The following KLHL13 variants were observed in gnomAD, a reference collection of about 807,000 sequenced individuals.
KLHL13 encodes kelch-like protein 13.
Under a neutral mutation model 37.1 loss-of-function variants are expected in KLHL13, and 10 were observed. The ratio of observed to expected loss-of-function variants is 0.27; its 90% CI spans 0.17 to 0.46. KLHL13 has a LOEUF of 0.46. Among genes scored for constraint, KLHL13 ranks in the 20% least tolerant of loss-of-function variants. KLHL13 has a pLI of 1.00. For missense variants in KLHL13, 360 were observed against 509.3 expected (o/e 0.71, Z 2.82); for synonymous variants, 163 against 181.2 (o/e 0.90, Z 0.81).
At chrX:118,087,948 A>AT (rs1414282179) in intron 1 of KLHL13, among the ~76,000 whole-genome samples, 1 of 112,125 alleles carries the variant, frequency 8.9e-6, no homozygotes, top group Non-Finnish European at 1.9e-5. Flanking sequence ...CAGAGGGCTG[A>AT]TATATAGAGA....
At chrX:117,926,950 G>A (rs755410479) in intron 2 of KLHL13, among the ~76,000 whole-genome samples, 12 of 84,886 alleles carry the variant, frequency 1.4e-4, no homozygotes, top group Non-Finnish European at 2.2e-4. Context: ...CTGTCGCCCA[G>A]GCTGGAGTGC....
intron 4 of KLHL13, among the ~76,000 whole-genome samples, chrX:117,914,669 A>T (rs1050961250): frequency 9.0e-6 from 1 of 111,382 alleles, no homozygotes; most frequent in Non-Finnish European, 1.9e-5. Flanking sequence ...AATAATAAAC[A>T]CCTCTCTCTC....
intron 1 of KLHL13, chrX:117,947,097 C>A (rs777318184): frequency 9.0e-6 from 1 of 111,710 alleles, no homozygotes; most frequent in African/African-American, 3.2e-5. Context: ...TCAGAGATAG[C>A]TTTAAAGAGA....
At chrX:118,033,874 C>T (rs1174752190) in intron 1 of KLHL13, among the ~76,000 whole-genome samples, 2 of 103,392 alleles carry the variant, frequency 1.9e-5, no homozygotes, top group Non-Finnish European at 2.0e-5. Flanking sequence ...CACATAGGCT[C>T]AAAATAAAAG....
intron 1 of KLHL13, among the ~76,000 whole-genome samples, chrX:118,104,311 T>C (rs1196201128): frequency 1.8e-5 from 2 of 111,382 alleles, no homozygotes; most frequent in East Asian, 5.6e-4. Context: ...ACCTCAATCA[T>C]CTGTCCACTA....
intron 1 of KLHL13, among the ~76,000 whole-genome samples, chrX:118,022,344 C>T (rs763161171): frequency 8.9e-6 from 1 of 111,807 alleles, no homozygotes; most frequent in Non-Finnish European, 1.9e-5. Context: ...ATTACTCTTG[C>T]ATATATACCC....
At chrX:117,989,220 C>T (rs1324099234) in intron 1 of KLHL13, among the ~76,000 whole-genome samples, 1 of 110,955 alleles carries the variant, frequency 9.0e-6, no homozygotes, top group Non-Finnish European at 1.9e-5. Context: ...TTATTTTTAA[C>T]AGTTTCATTT....
chrX:118,067,595 T>A (rs1257344194), intron 1 of KLHL13, among the ~76,000 whole-genome samples: 1 of 111,934 alleles, frequency 8.9e-6, no homozygotes, highest in African/African-American at 3.2e-5. Flanking sequence ...TTTCTTTATA[T>A]CCTTATTCTA....
At chrX:117,966,232 G>T (rs1330887662) in intron 1 of KLHL13, among the ~76,000 whole-genome samples, 1 of 111,790 alleles carries the variant, frequency 8.9e-6, no homozygotes, top group African/African-American at 3.3e-5. Context: ...CAAAATCAAT[G>T]TGCAAAAATC....
chrX:117,981,599 C>T (rs2053662638), intron 1 of KLHL13, among the ~76,000 whole-genome samples: 1 of 110,090 alleles, frequency 9.1e-6, no homozygotes, highest in East Asian at 2.8e-4. Context: ...TCCTTATTTC[C>T]TTATTCAGCT....
chrX:117,953,529 T>G lies in KLHL13; in HGVS notation c.99-7954A>C, dbSNP rs776302590. 2.7e-5 allele frequency among the ~76,000 whole-genome samples: 3 copies of G among 110,436 alleles called. No homozygotes were observed. In the South Asian group the frequency reaches 1.2e-3, roughly 43 times the overall value. ...GTAACTAACCTGCACATTGTGCACA[T>G]GTACCCTAAAACTTAAAGTATAATA... is the stretch of plus-strand genomic sequence containing the variant. On this transcript the variant is annotated intron_variant, in intron 1 of 6. Coordinates refer to ENST00000262820, the Ensembl canonical transcript of KLHL13.
chrX:117,907,353 G>C (rs1268654684), intron 5 of KLHL13, among the ~76,000 whole-genome samples: 4 of 111,411 alleles, frequency 3.6e-5, no homozygotes, highest in African/African-American at 1.3e-4. Context: ...TTAGTATTAG[G>C]AACTATATAT....
chrX:117,919,579 G>A (rs1210952467), exon 4 of KLHL13: 2 of 1,209,242 alleles, frequency 1.7e-6, no homozygotes, highest in Admixed American at 4.4e-5. Context: ...TAGGAAACTG[G>A]CAGCTTCCAG....
At chrX:118,056,061 A>G (rs1415547328) in intron 1 of KLHL13, among the ~76,000 whole-genome samples, 1 of 111,971 alleles carries the variant, frequency 8.9e-6, no homozygotes, top group Non-Finnish European at 1.9e-5. Context: ...ATGAGCTTGT[A>G]CGTAGAAAAT....
At chrX:118,113,809 A>C (rs762580576) in intron 1 of KLHL13, among the ~76,000 whole-genome samples, 16 of 112,303 alleles carry the variant, frequency 1.4e-4, no homozygotes, top group Non-Finnish European at 2.6e-4. Context: ...CTCTGGTAGA[A>C]TATAAGCACT....
chrX:117,949,868 G>T (rs934121589), intron 1 of KLHL13, among the ~76,000 whole-genome samples: 2 of 111,744 alleles, frequency 1.8e-5, no homozygotes, highest in African/African-American at 6.5e-5. Flanking sequence ...TGGTAGAGAG[G>T]TTATGTGTGC....
intron 1 of KLHL13, among the ~76,000 whole-genome samples, chrX:117,951,251 T>A (rs992511472): frequency 1.8e-5 from 2 of 111,752 alleles, no homozygotes; most frequent in Non-Finnish European, 3.8e-5. Context: ...GGCATTTTTG[T>A]TGAAAAAAAT....
chrX:118,084,314 T>C (rs1437230667), intron 1 of KLHL13, among the ~76,000 whole-genome samples: 1 of 111,765 alleles, frequency 8.9e-6, no homozygotes, highest in Non-Finnish European at 1.9e-5. Context: ...TGAGACCCTG[T>C]CTCAAAAAAG....
intron 4 of KLHL13, among the ~76,000 whole-genome samples, chrX:117,913,715 C>T (rs761846248): frequency 4.3e-4 from 47 of 110,435 alleles, no homozygotes; most frequent in Non-Finnish European, 7.8e-4. Context: ...TGGTGGCACA[C>T]GCCTGTATTC....
Sources: allele counts gnomAD v4.1 joint callset (sites outside exome capture counted in the v4.1 genomes callset), GRCh38; gene constraint gnomAD v4.1.1; transcripts MANE v1.5; gene names NCBI Gene and HGNC (gene_info 2026-07-23, HGNC 2026-07-21).